Variants in NELL1 observed in about 807,000 individuals in gnomAD.
NELL1 encodes neural EGFL like 1.
In NELL1, 76 loss-of-function variants were observed where a neutral mutation model predicts 107.4. The observed-to-expected ratio is 0.71, with a 90% CI of 0.59 to 0.86. The LOEUF is 0.86. NELL1 is among the 40% of genes least tolerant of loss of function. The probability of loss-of-function intolerance (pLI) is 0.00; values close to 1 mark genes in which losing one functional copy is unlikely to be tolerated. For missense variants in NELL1, 1,024 were observed against 1,005.5 expected (o/e 1.02, Z -0.25); for synonymous variants, 353 against 341.2 (o/e 1.03, Z -0.38).
At chr11:21,426,371 T>G (rs1218639186) in intron 15 of NELL1, among the ~76,000 whole-genome samples, 1 of 152,172 alleles carries the variant, frequency 6.6e-6, no homozygotes, top group Non-Finnish European at 1.5e-5. Flanking sequence ...GCTGAATAAA[T>G]GAAATTCTGG....
At chr11:21,440,887 C>T in intron 15 of NELL1, among the ~76,000 whole-genome samples, 1 of 152,168 alleles carries the variant, frequency 6.6e-6, no homozygotes, top group Middle Eastern at 3.4e-3. Context: ...AAGTCTGCAA[C>T]TTTTATTTAT....
chr11:21,062,532 G>A (rs569523744), intron 12 of NELL1, among the ~76,000 whole-genome samples: 116 of 152,282 alleles, frequency 7.6e-4, no homozygotes, highest in African/African-American at 2.6e-3. Context: ...CCAAAAGGTA[G>A]AAGGAGTGAA....
intron 15 of NELL1, among the ~76,000 whole-genome samples, chr11:21,452,887 T>G (rs546451616): frequency 1.3e-5 from 2 of 152,070 alleles, no homozygotes; most frequent in East Asian, 3.9e-4. Context: ...TTTGAACAAA[T>G]TTTATAATTT....
intron 15 of NELL1, among the ~76,000 whole-genome samples, chr11:21,473,828 C>G (rs1854247425): frequency 6.6e-6 from 1 of 152,074 alleles, no homozygotes; most frequent in Non-Finnish European, 1.5e-5. Context: ...AACTCCACTA[C>G]CTCTCTGTGT....
chr11:21,010,624 G>A (rs1852426334), intron 12 of NELL1, among the ~76,000 whole-genome samples: 1 of 152,012 alleles, frequency 6.6e-6, no homozygotes, highest in African/African-American at 2.4e-5. Flanking sequence ...TAGAAAGTGA[G>A]GGTGAACAAT....
chr11:21,082,036 A>T (rs1293984876), intron 12 of NELL1, among the ~76,000 whole-genome samples: 1 of 152,100 alleles, frequency 6.6e-6, no homozygotes, highest in East Asian at 1.9e-4. Flanking sequence ...TTTCTTCCTA[A>T]CAGCAACTTG....
At chr11:21,568,511 T>C (rs1857023561) in intron 17 of NELL1, among the ~76,000 whole-genome samples, 1 of 151,770 alleles carries the variant, frequency 6.6e-6, no homozygotes, top group South Asian at 2.1e-4. Context: ...TTATAAACTT[T>C]TTAATTTTTG....
intron 13 of NELL1, among the ~76,000 whole-genome samples, chr11:21,122,426 A>G (rs1388147748): frequency 6.6e-6 from 1 of 152,132 alleles, no homozygotes; most frequent in East Asian, 1.9e-4. Context: ...TTTATCTTAT[A>G]TTCTTTATTT....
chr11:21,309,282 A>G (rs200036322), intron 14 of NELL1, among the ~76,000 whole-genome samples: 161 of 10,296 alleles, frequency 0.016, 2 homozygotes, highest in South Asian at 0.026. Context: ...ATATATATGT[A>G]TATATATATA....
In NELL1 at chr11:21,226,499, T is replaced by C. The variant is rs116540516; in HGVS notation, c.1427-2833T>C. ...AAGTACTGTTGTCTAAGTTTCTTCATTGTAAAATGAGCAAACTTACTTCAT... is the reference window on the plus strand; with the variant it reads ...AAGTACTGTTGTCTAAGTTTCTTCACTGTAAAATGAGCAAACTTACTTCAT... On this transcript the variant is annotated intron_variant, in intron 13 of 19. Transcript: ENST00000357134. 9.6e-3 allele frequency among the ~76,000 whole-genome samples: 1,466 copies of C among 152,296 alleles called. 23 individuals carry two copies. Among genetic ancestry groups the C allele is most frequent in the African/African-American group, 0.032 (1,347 of 41,562 alleles).
chr11:21,397,916 T>C (rs963669234), intron 15 of NELL1, among the ~76,000 whole-genome samples: 15 of 151,644 alleles, frequency 9.9e-5, no homozygotes, highest in African/African-American at 3.1e-4. Context: ...TCTCACCAGA[T>C]ACCGAATCTG....
chr11:21,379,200 A>C (rs536833772), intron 15 of NELL1, among the ~76,000 whole-genome samples: 1 of 152,192 alleles, frequency 6.6e-6, no homozygotes, highest in African/African-American at 2.4e-5. Context: ...AATTGTGTAG[A>C]TATCAGGTAT....
chr11:21,536,158 G>T (rs1475909754), intron 16 of NELL1, among the ~76,000 whole-genome samples: 1 of 151,922 alleles, frequency 6.6e-6, no homozygotes, highest in Non-Finnish European at 1.5e-5. Context: ...TTCTTCCCTG[G>T]GTAAACTGCA....
chr11:21,298,890 A>T (rs961879151), intron 14 of NELL1, among the ~76,000 whole-genome samples: 4 of 152,004 alleles, frequency 2.6e-5, no homozygotes, highest in Admixed American at 6.6e-5. Flanking sequence ...TTCCCCCGAA[A>T]AAAGATTATC....
At chr11:21,542,737 C>T (rs1856321753) in intron 16 of NELL1, among the ~76,000 whole-genome samples, 1 of 151,866 alleles carries the variant, frequency 6.6e-6, no homozygotes, top group Admixed American at 6.6e-5. Flanking sequence ...GATTTTTAAA[C>T]CAATTTTTTA....
intron 15 of NELL1, among the ~76,000 whole-genome samples, chr11:21,441,184 A>C (rs905929216): frequency 1.3e-5 from 2 of 151,974 alleles, no homozygotes; most frequent in Admixed American, 1.3e-4. Context: ...TCCATTCCAA[A>C]CTTTGGCTGT....
chr11:21,302,242 A>C (rs1182921260), intron 14 of NELL1, among the ~76,000 whole-genome samples: 2 of 152,058 alleles, frequency 1.3e-5, no homozygotes, highest in Non-Finnish European at 2.9e-5. Flanking sequence ...AGCCCATCAC[A>C]GCCTGAGGCC....
At chr11:21,535,351 G>A (rs1388969751) in intron 16 of NELL1, among the ~76,000 whole-genome samples, 2 of 152,084 alleles carry the variant, frequency 1.3e-5, no homozygotes, top group Non-Finnish European at 2.9e-5. Flanking sequence ...TTCTGACCTT[G>A]GGCTCCCAAA....
At chr11:21,519,331 A>G (rs987144528) in intron 15 of NELL1, among the ~76,000 whole-genome samples, 1 of 152,176 alleles carries the variant, frequency 6.6e-6, no homozygotes, top group South Asian at 2.1e-4. Context: ...GTTTAAATAC[A>G]GACTACTGGG....
Sources: gnomAD v4.1 joint callset for allele counts (sites outside exome capture counted in the v4.1 genomes callset) on GRCh38, gnomAD v4.1.1 for gene constraint, MANE v1.5 for transcripts, NCBI Gene and HGNC (gene_info 2026-07-23, HGNC 2026-07-21) for gene names.